Variants in CNGB1 observed in about 807,000 individuals in gnomAD.
CNGB1 encodes cyclic nucleotide-gated channel beta-1.
CNGB1 carries 126 observed loss-of-function variants against 151.7 expected under a neutral mutation model. The observed-to-expected ratio is 0.83, with a 90% CI of 0.72 to 0.96. The LOEUF (loss-of-function observed/expected upper bound fraction) is 0.96, where lower values mean the gene tolerates loss of function less well. CNGB1 is among the 40% of genes least tolerant of loss of function. CNGB1 has a pLI of 0.00. For synonymous variants in CNGB1, 623 were observed against 635.1 expected, an observed-to-expected ratio of 0.98 and a Z score of 0.29; for missense variants, 1,698 against 1,627.0, an observed-to-expected ratio of 1.04 and a Z score of -0.75.
At chr16:57,920,264 T>A in intron 19 of CNGB1, 123 bp downstream of exon 19, 1 of 1,065,778 alleles carries the variant, frequency 9.4e-7, no homozygotes, top group Non-Finnish European at 1.4e-6. Context: ...AGAGTGGGGA[T>A]CTGGGCTTCT....
chr16:57,942,169 A>G (rs907180361), intron 14 of CNGB1, among the ~76,000 whole-genome samples: 2 of 152,196 alleles, frequency 1.3e-5, no homozygotes, highest in Non-Finnish European at 2.9e-5. Flanking sequence ...GGTGTGACCC[A>G]CCACGCCTGG....
rs761295014 is a variant in CNGB1 at position 57,904,867 on chromosome 16, C to A, written c.2501G>T (p.Arg834Leu). Reference sequence around the variant, plus strand: ...GGTCTTCACAGCAAAGTAGTAACAGCGAATATAACTGGAGAGAGAGGAGAA... The same window carrying A: ...GGTCTTCACAGCAAAGTAGTAACAGAGAATATAACTGGAGAGAGAGGAGAA... ...VYDGVGNSYIRCYYFAVKTLI... is the reference protein window; with the variant it reads ...VYDGVGNSYILCYYFAVKTLI... The change falls in exon 26 of 33, where the codon CGC (arginine) becomes CTC (leucine). Residue 834 changes from arginine (R) to leucine (L), a missense_variant. By Grantham distance (102) the Arg-to-Leu change is moderately radical. Coordinates refer to ENST00000251102, the MANE Select transcript of CNGB1 (RefSeq NM_001297.5). 1.2e-5 allele frequency: 19 copies of A among 1,613,998 alleles called. No individual in the cohort carries two copies. The highest frequency in any genetic ancestry group is 1.3e-5 in the African/African-American group (1 of 74,918).
At chr16:57,920,238 T>C (rs1283061963) in intron 19 of CNGB1, 149 bp downstream of exon 19, 1 of 862,278 alleles carries the variant, frequency 1.2e-6, no homozygotes, top group Non-Finnish European at 1.8e-6. Context: ...CCTGTACATA[T>C]GGATCCCAAA....
At position 57,884,213 on chromosome 16, in the gene CNGB1, T is replaced by A. The variant is rs1292191309; in HGVS notation, c.3707A>T (p.Gln1236Leu). 1.2e-6 allele frequency: 2 copies of A among 1,613,906 alleles called. No homozygotes were observed. Among genetic ancestry groups the A allele is most frequent in the African/African-American group, 2.7e-5 (2 of 74,932 alleles). ...CTCCGGCATCTTCACCGACAGGATC[T>A]GCTCTCCCGGCTCCGGGCCCGGGCT... ...CMSPGPEPGE[Q>L]ILSVKMPEER... is the part of the protein sequence containing the mutation. Residue 1236 changes from glutamine (Q) to leucine (L), a missense_variant, in exon 33 of 33, where the codon CAG becomes CTG. Coordinates refer to ENST00000251102, the MANE Select transcript of CNGB1 (RefSeq NM_001297.5).
In CNGB1 at chr16:57,963,042, A is replaced by T; in HGVS notation, c.313T>A (p.Trp105Arg). The T allele has an allele frequency of 6.2e-7, 1 of 1,613,334 alleles. No homozygotes were observed. The highest frequency in any genetic ancestry group is 8.5e-7 in the Non-Finnish European group (1 of 1,179,976). The change falls in exon 5 of 33, where the codon TGG becomes AGG. Residue 105 changes from tryptophan (W) to arginine (R), a missense_variant. By Grantham distance (101) the Trp-to-Arg change is moderately radical. Transcript: ENST00000251102. ...ACCTTCTCTACGCCCTTCATGAGCC[A>T]GGTCAGTACCCTGCGGCTGGGACTG... ...MNSPSRRVLTWLMKGVEKVIP... is the reference protein window; with the variant it reads ...MNSPSRRVLTRLMKGVEKVIP...
chr16:57,895,381 G>A (rs1960194023), intron 31 of CNGB1, among the ~76,000 whole-genome samples: 1 of 151,526 alleles, frequency 6.6e-6, no homozygotes, highest in African/African-American at 2.4e-5. Context: ...CAGCCTGGGT[G>A]ACAAGAGTGA....
At position 57,887,957 on chromosome 16, in the gene CNGB1, A is replaced by G. The variant is rs1959979124; in HGVS notation, c.3360T>C (p.Gly1120=). 6.2e-7 allele frequency: 1 copy of G among 1,613,940 alleles called. No homozygotes were observed. Among genetic ancestry groups the G allele is most frequent in the Non-Finnish European group, 8.5e-7 (1 of 1,179,960 alleles). Residue 1120 remains glycine (G), a synonymous_variant, in exon 32 of 33, where the codon GGT becomes GGC. Coordinates refer to ENST00000251102, the MANE Select transcript of CNGB1 (RefSeq NM_001297.5). ...GTTTGCCGCCTTTTGCCCCCTTGCC[A>G]CCCATCTTTCCTGTCATAGCGAGGG... is the stretch of plus-strand genomic sequence containing the variant. The part of the protein sequence containing the change: ...NAALAMTGKM[G]GKGAKGGKLA...
intron 20 of CNGB1, 56 bp downstream of exon 20, chr16:57,919,043 C>T: frequency 6.2e-7 from 1 of 1,613,136 alleles, no homozygotes; most frequent in South Asian, 1.1e-5. Flanking sequence ...CATCCCGCTC[C>T]AACTCTCCTG....
chr16:57,897,329 C>G (rs78155143), intron 31 of CNGB1, 68 bp downstream of exon 31: 68,633 of 1,378,888 alleles, frequency 0.05, 3,567 homozygotes, highest in East Asian at 0.25. Context: ...GATAAAGGTA[C>G]TGTGGTTATG....
chr16:57,911,584 C>T (rs936082898), intron 25 of CNGB1, among the ~76,000 whole-genome samples, 169 bp downstream of exon 25: 2 of 152,220 alleles, frequency 1.3e-5, no homozygotes, highest in Admixed American at 6.5e-5. Context: ...CCACCACACC[C>T]GGCCCAAGAT....
At chr16:57,915,445 G>A (rs1596974439) in intron 22 of CNGB1, 110 bp from the exon 23 acceptor site, 2 of 853,968 alleles carry the variant, frequency 2.3e-6, no homozygotes, top group East Asian at 2.6e-5. Context: ...AGGTCAGAAT[G>A]CCCCAGTAGA....
chr16:57,951,180 C>A (rs1403746861), intron 12 of CNGB1, among the ~76,000 whole-genome samples: 6 of 152,150 alleles, frequency 3.9e-5, no homozygotes, highest in Non-Finnish European at 8.8e-5. Context: ...AACAAAAACA[C>A]CCTGGGCCTA....
intron 32 of CNGB1, among the ~76,000 whole-genome samples, chr16:57,885,538 CTTCCTTCTTTCCTTCCTT>C (rs1959895328): frequency 6.9e-6 from 1 of 144,216 alleles, no homozygotes; most frequent in African/African-American, 2.6e-5. Context: ...TCCTTCCTTC[CTTCCTTCTTTCCTTCCTT>C]CCTCTCTCTC....
chr16:57,919,523 A>G (rs560532181), intron 19 of CNGB1, among the ~76,000 whole-genome samples: 4 of 152,182 alleles, frequency 2.6e-5, no homozygotes, highest in Non-Finnish European at 5.9e-5. Context: ...GCTGCCCCAA[A>G]TGAGCTGTTT....
intron 24 of CNGB1, 63 bp downstream of exon 24, chr16:57,912,865 CGT>C (rs1454568046): frequency 2.7e-6 from 4 of 1,484,630 alleles, no homozygotes; most frequent in Non-Finnish European, 3.8e-6. Context: ...GTGTGTATTG[CGT>C]GTGTTGTGTG....
chr16:57,967,111 C>T lies in CNGB1; in HGVS notation c.159+17G>A. ...GCAGCGAGGCCGGCCTGCCCCTCCT[C>T]CCGCTCTACCTCTCACCATGGACTC... is the stretch of plus-strand genomic sequence containing the variant. On this transcript the variant is annotated intron_variant, in intron 2 of 32. Coordinates refer to ENST00000251102, the MANE Select transcript of CNGB1 (RefSeq NM_001297.5). 1 of 1,614,098 alleles carries T rather than the reference C, an allele frequency of 6.2e-7. No homozygotes were observed. The highest frequency in any genetic ancestry group is 8.5e-7 in the Non-Finnish European group (1 of 1,180,028).
intron 16 of CNGB1, among the ~76,000 whole-genome samples, chr16:57,936,164 C>G (rs1290486141): frequency 6.6e-6 from 1 of 152,194 alleles, no homozygotes; most frequent in African/African-American, 2.4e-5. Context: ...CCAAAGGCCA[C>G]TACGGGGACC....
intron 2 of CNGB1, 94 bp from the exon 3 acceptor site, chr16:57,964,638 C>A: frequency 2.9e-5 from 34 of 1,161,912 alleles, no homozygotes; most frequent in East Asian, 7.2e-5. Context: ...ATCCCTGCCC[C>A]ACAAAAGACC....
In CNGB1 at chr16:57,884,405, T is replaced by A. The variant is rs751766451; in HGVS notation, c.3515A>T (p.Gln1172Leu). 1.9e-6 allele frequency: 3 copies of A among 1,613,384 alleles called. No homozygotes were observed. In the Admixed American group the frequency reaches 5.0e-5, roughly 27 times the overall value. ...GGCGGCCTCCTTTGGGTGCGTGTGC[T>A]GGTCTGGGGCGGCGGAGCCTTCCTC... ...KGEEGSAAPDQHTHPKEAATD... is the reference protein window; with the variant it reads ...KGEEGSAAPDLHTHPKEAATD... The change falls in exon 33 of 33, where the codon CAG becomes CTG. Residue 1172 changes from glutamine (Q) to leucine (L), a missense_variant. Coordinates refer to ENST00000251102, the MANE Select transcript of CNGB1 (RefSeq NM_001297.5).
Sources: gnomAD v4.1 joint callset for allele counts (sites outside exome capture counted in the v4.1 genomes callset) on GRCh38, gnomAD v4.1.1 for gene constraint, MANE v1.5 for transcripts, NCBI Gene and HGNC (gene_info 2026-07-23, HGNC 2026-07-21) for gene names.